EPN2: variants seen among roughly 807,000 people sequenced by gnomAD.
EPN2 encodes epsin-2.
Under a neutral mutation model 61.7 loss-of-function variants are expected in EPN2, and 34 were observed. The observed-to-expected ratio is 0.55, with a 90% CI of 0.42 to 0.73. The LOEUF is 0.73. Among genes scored for constraint, EPN2 ranks in the 30% least tolerant of loss-of-function variants. EPN2 has a pLI of 0.00. For missense variants in EPN2, 714 were observed against 839.2 expected (o/e 0.85, Z 1.84); for synonymous variants, 349 against 353.6 (o/e 0.99, Z 0.15).
At chr17:19,244,903 C>T (rs751303759) in intron 1 of EPN2, among the ~76,000 whole-genome samples, 1 of 152,150 alleles carries the variant, frequency 6.6e-6, no homozygotes, top group Non-Finnish European at 1.5e-5. Context: ...TTTGCTGCCA[C>T]CTGTGTCAAA....
intron 4 of EPN2, among the ~76,000 whole-genome samples, chr17:19,301,858 A>T (rs1905536378): frequency 6.6e-6 from 1 of 152,232 alleles, no homozygotes; most frequent in Non-Finnish European, 1.5e-5. Context: ...GCTCATGGGA[A>T]CAGGGACTTT....
At chr17:19,289,074 G>GTTTTTTTT (rs1162172422) in intron 4 of EPN2, among the ~76,000 whole-genome samples, 1 of 68,688 alleles carries the variant, frequency 1.5e-5, no homozygotes, top group African/African-American at 7.5e-5. Flanking sequence ...TTCTGGGTAT[G>GTTTTTTTT]TTTTTTTTTT....
intron 1 of EPN2, among the ~76,000 whole-genome samples, chr17:19,256,188 T>C (rs1386997329): frequency 1.3e-5 from 2 of 151,998 alleles, no homozygotes; most frequent in Non-Finnish European, 2.9e-5. Context: ...TTGCCCACCT[T>C]GGCCTCCCAA....
At chr17:19,241,812 A>G (rs1480183624) in intron 1 of EPN2, among the ~76,000 whole-genome samples, 2 of 152,272 alleles carry the variant, frequency 1.3e-5, no homozygotes, top group East Asian at 1.9e-4. Flanking sequence ...AGAAAAACTG[A>G]GGCCCAGAGA....
intron 1 of EPN2, among the ~76,000 whole-genome samples, chr17:19,279,351 A>AG (rs933555865): frequency 3.3e-5 from 5 of 152,008 alleles, no homozygotes; most frequent in African/African-American, 1.2e-4. Context: ...GCCCAGCTGG[A>AG]GGTCTTCTGC....
chr17:19,298,057 G>A (rs745802526), intron 4 of EPN2, among the ~76,000 whole-genome samples: 27 of 151,908 alleles, frequency 1.8e-4, no homozygotes, highest in Non-Finnish European at 3.2e-4. Flanking sequence ...TGTATTTTTA[G>A]TAGAGATGGG....
chr17:19,246,999 T>C (rs1032669691), intron 1 of EPN2, among the ~76,000 whole-genome samples: 1 of 152,088 alleles, frequency 6.6e-6, no homozygotes, highest in Non-Finnish European at 1.5e-5. Context: ...CTTGATCTCC[T>C]GACCTCGTGA....
chr17:19,316,211 G>A (rs759271454), intron 7 of EPN2, among the ~76,000 whole-genome samples: 47 of 152,172 alleles, frequency 3.1e-4, no homozygotes, highest in Non-Finnish European at 5.9e-4. Flanking sequence ...TAGAAACCTG[G>A]ATTTTTGAAA....
chr17:19,327,482 G>C (rs2152238729), intron 7 of EPN2, among the ~76,000 whole-genome samples: 1 of 152,142 alleles, frequency 6.6e-6, no homozygotes, highest in African/African-American at 2.4e-5. Context: ...GACCAGACTG[G>C]GCAACACGGT....
At position 19,321,599 on chromosome 17, in the gene EPN2, G is replaced by A. The variant is rs145992021; in HGVS notation, c.1148-7112G>A. Among the ~76,000 whole-genome samples the A allele has an allele frequency of 2.9e-3, 436 of 152,300 alleles. 1 individual carries two copies. The highest frequency in any genetic ancestry group is 4.1e-3 in the Non-Finnish European group (280 of 68,034). On this transcript the variant is annotated intron_variant, in intron 7 of 10. Coordinates refer to ENST00000314728, the MANE Select transcript of EPN2 (RefSeq NM_014964.5). The stretch of plus-strand genomic sequence containing the variant: ...GCAGGAGTGGGGGATAGAAGTAACC[G>A]GGGCATGTCCCCTGACAGAGGCAAG...
chr17:19,257,386 G>T (rs2045091505), intron 1 of EPN2, among the ~76,000 whole-genome samples: 1 of 152,168 alleles, frequency 6.6e-6, no homozygotes, highest in Admixed American at 6.5e-5. Context: ...ATGGTCATCA[G>T]AGAAAATTCG....
At chr17:19,260,845 C>T (rs915429799) in intron 1 of EPN2, among the ~76,000 whole-genome samples, 1 of 152,114 alleles carries the variant, frequency 6.6e-6, no homozygotes, top group Non-Finnish European at 1.5e-5. Flanking sequence ...TTATTTCTCC[C>T]TTTTCAGTAA....
In EPN2 at chr17:19,306,508, C is replaced by T. The variant is rs75250379; in HGVS notation, c.767-3377C>T. Reference sequence around the variant, plus strand: ...GTCTTTAATTTCTACATTGATGTGACGAGCTATGATGTGGTGAGCCAGTAT... The same window carrying T: ...GTCTTTAATTTCTACATTGATGTGATGAGCTATGATGTGGTGAGCCAGTAT... On this transcript the variant is annotated intron_variant, in intron 4 of 10. Coordinates refer to ENST00000314728, the MANE Select transcript of EPN2 (RefSeq NM_014964.5). 6.5e-3 allele frequency among the ~76,000 whole-genome samples: 993 copies of T among 152,344 alleles called. 54 individuals are homozygous for T. The East Asian group carries it at 0.12, about 18-fold the overall frequency.
Position 19,283,028 on chromosome 17 carries a change from C to T in EPN2, c.-92C>T, listed in dbSNP as rs763542025. On this transcript the variant is annotated 5_prime_UTR_variant, in exon 3 of 11. The change creates a new upstream start codon in the 5' untranslated region. Transcript: ENST00000314728. This position sits in a 1 kb window ranked among gnomAD's most constrained non-coding sequence, Gnocchi z 7.0. ...CAGGGATCTTACTCCAGCTTGATTA[C>T]GGAGACTGAACCTTCATAGGGTGCG... 20 of 852,976 alleles carry T rather than the reference C, an allele frequency of 2.3e-5. No homozygotes were observed. The highest frequency in any genetic ancestry group is 3.2e-5 in the Non-Finnish European group (18 of 554,496). The allele number at this position is 852,976 out of a possible 1,614,324, so 52.8% of individuals were successfully genotyped here. A position where few individuals can be genotyped will look rare whatever the true frequency, so the allele number is the denominator to read the frequency against.
intron 7 of EPN2, among the ~76,000 whole-genome samples, chr17:19,326,704 A>G (rs998266372): frequency 6.6e-6 from 1 of 151,500 alleles, no homozygotes; most frequent in South Asian, 2.1e-4. Context: ...AAAAAAAAAA[A>G]AAGTGCAAGG....
chr17:19,260,099 A>G (rs924137745), intron 1 of EPN2, among the ~76,000 whole-genome samples: 1 of 152,174 alleles, frequency 6.6e-6, no homozygotes, highest in Non-Finnish European at 1.5e-5. Flanking sequence ...GTTGACCTCC[A>G]TCCTTCAGCA....
chr17:19,297,923 C>G (rs1179255592), intron 4 of EPN2, among the ~76,000 whole-genome samples: 1 of 152,234 alleles, frequency 6.6e-6, no homozygotes, highest in African/African-American at 2.4e-5. Flanking sequence ...GAGTCTCACT[C>G]TGTCACCCAG....
At chr17:19,291,427 ATTTTTTTTT>A (rs60753158) in intron 4 of EPN2, among the ~76,000 whole-genome samples, 3 of 69,882 alleles carry the variant, frequency 4.3e-5, no homozygotes, top group South Asian at 6.0e-4. Flanking sequence ...TCAGCCATTC[ATTTTTTTTT>A]TTTTTTTTTT....
At chr17:19,329,523 T>G in intron 8 of EPN2, 38 bp from the exon 9 acceptor site, 1,809 of 1,340,616 alleles carry the variant, frequency 1.3e-3, no homozygotes, top group Non-Finnish European at 1.8e-3. Context: ...TGAAGTCCTG[T>G]GAGATGCCCC....
Sources: gnomAD v4.1 joint callset for allele counts (sites outside exome capture counted in the v4.1 genomes callset) on GRCh38, gnomAD v4.1.1 for gene constraint, Gnocchi (gnomAD v3.1) non-coding constraint, MANE v1.5 for transcripts, NCBI Gene and HGNC (gene_info 2026-07-23, HGNC 2026-07-21) for gene names.